The following HK2 variants were observed in gnomAD, a reference collection of about 807,000 sequenced individuals.
HK2 encodes the protein hexokinase-2.
A neutral mutation model predicts 92.9 loss-of-function variants in HK2; 42 were observed. That is an observed-to-expected ratio of 0.45 (90% confidence interval 0.35 to 0.58). The LOEUF (loss-of-function observed/expected upper bound fraction) is 0.58, where lower values mean the gene tolerates loss of function less well. HK2 is among the 20% of genes least tolerant of loss of function. HK2 has a pLI of 0.00. For missense variants in HK2, 978 were observed against 1,245.1 expected, an observed-to-expected ratio of 0.79 and a Z score of 3.23; for synonymous variants, 422 against 468.0, an observed-to-expected ratio of 0.90 and a Z score of 1.27.
chr2:74,886,366 C>T lies in HK2; in HGVS notation c.2008C>T (p.Pro670Ser). The T allele has an allele frequency of 6.2e-7, 1 of 1,614,028 alleles. No homozygotes were observed. The highest frequency in any genetic ancestry group is 1.7e-5 in the Admixed American group (1 of 60,004). ...GTMMTCGFED[P>S]HCEVGLIVGT... ...TATGATGACCTGTGGCTTTGAAGAC[C>T]CTCACTGTGAAGTTGGCCTCATTGT... The change falls in exon 14 of 18, where the codon CCT (proline) becomes TCT (serine). Residue 670 changes from proline to serine, a missense_variant. Coordinates refer to ENST00000290573, the MANE Select transcript of HK2 (RefSeq NM_000189.5).
At chr2:74,856,010 C>G (rs1688689039) in intron 2 of HK2, among the ~76,000 whole-genome samples, 1 of 152,042 alleles carries the variant, frequency 6.6e-6, no homozygotes, top group Non-Finnish European at 1.5e-5. Context: ...GTACTCACAT[C>G]TAGAGGACAG....
In HK2 at chr2:74,882,113, C is replaced by G. The variant is rs1404408398; in HGVS notation, c.1720-7C>G. ...CCCTCCCTCAGTGTCCTAACTTCTCCCTGCAGCTCTTTGACCACATTGTCC... is the reference window on the plus strand; with the variant it reads ...CCCTCCCTCAGTGTCCTAACTTCTCGCTGCAGCTCTTTGACCACATTGTCC... On this transcript the variant is annotated splice_region_variant and splice_polypyrimidine_tract_variant and intron_variant, in intron 11 of 17. Coordinates refer to ENST00000290573, the MANE Select transcript of HK2 (RefSeq NM_000189.5). The G allele has an allele frequency of 3.1e-6, 5 of 1,613,988 alleles. No homozygotes were observed. In the South Asian group the frequency reaches 4.4e-5, roughly 14 times the overall value.
intron 9 of HK2, among the ~76,000 whole-genome samples, chr2:74,879,544 G>A (rs937541251): frequency 6.6e-6 from 1 of 152,166 alleles, no homozygotes; most frequent in African/African-American, 2.4e-5. Flanking sequence ...GCAAAAACTC[G>A]AGTGTGCACG....
intron 3 of HK2, among the ~76,000 whole-genome samples, chr2:74,869,131 A>C (rs74477806): frequency 6.6e-6 from 1 of 151,992 alleles, no homozygotes; most frequent in Non-Finnish European, 1.5e-5. Context: ...AAAAAAAAAA[A>C]CAACTATGAG....
intron 1 of HK2, among the ~76,000 whole-genome samples, chr2:74,839,378 G>A (rs1688250409): frequency 6.6e-6 from 1 of 152,120 alleles, no homozygotes; most frequent in South Asian, 2.1e-4. Flanking sequence ...ATTGCTGATT[G>A]AAACCTTAAT....
chr2:74,847,328 C>T (rs1688465675), intron 1 of HK2, among the ~76,000 whole-genome samples: 3 of 152,120 alleles, frequency 2.0e-5, no homozygotes, highest in Admixed American at 2.0e-4. Context: ...TTTGGTTCAG[C>T]TTTCAGTAAA....
intron 2 of HK2, among the ~76,000 whole-genome samples, chr2:74,859,132 A>G (rs148845688): frequency 8.2e-4 from 125 of 152,334 alleles, no homozygotes; most frequent in African/African-American, 2.8e-3. Flanking sequence ...GTGGTCATCT[A>G]TATTTTACTT....
chr2:74,868,481 AGTGTACG>A (rs537987441), intron 3 of HK2, among the ~76,000 whole-genome samples: 121 of 152,294 alleles, frequency 7.9e-4, no homozygotes, highest in African/African-American at 2.7e-3. Flanking sequence ...AAGGGATGAT[AGTGTACG>A]GATTGTGGTG....
chr2:74,869,195 G>T (rs1445921129), intron 3 of HK2, among the ~76,000 whole-genome samples: 1 of 151,796 alleles, frequency 6.6e-6, no homozygotes, highest in Non-Finnish European at 1.5e-5. Context: ...TTTTAAGTAA[G>T]TGAAAAATGC....
Position 74,893,279 on chromosome 2 carries a change from T to C in HK2, c.*2338T>C, listed in dbSNP as rs1200104418. 1 of 152,246 alleles carries C rather than the reference T, an allele frequency of 6.6e-6. No individual in the cohort carries two copies. The highest frequency in any genetic ancestry group is 1.5e-5 in the Non-Finnish European group (1 of 68,046). 9.4% of individuals were successfully genotyped at this position (152,246 alleles called of 1,614,324 possible). On this transcript the variant is annotated 3_prime_UTR_variant, in exon 18 of 18. Transcript: ENST00000290573. ...CAGTCTAGTGAAGATGTTGTCATTA[T>C]GTACAATACATAACTAGTTTAATTA...
Position 74,890,922 on chromosome 2 carries a change from G to A in HK2, c.2735G>A (p.Arg912His), listed in dbSNP as rs775193239. 5 of 1,614,084 alleles carry A rather than the reference G, an allele frequency of 3.1e-6. No homozygotes were observed. Among genetic ancestry groups the A allele is most frequent in the African/African-American group, 1.3e-5 (1 of 74,926 alleles). ...ALITAVACRI[R>H]EAGQR ...ATCACTGCTGTGGCCTGCCGCATCC[G>A]TGAGGCTGGACAGCGATAGAACCCC... Residue 912 changes from arginine (R) to histidine (H), a missense_variant, in exon 18 of 18, where the codon CGT becomes CAT. Arg to His is a conservative substitution (Grantham distance 29). Coordinates refer to ENST00000290573, the MANE Select transcript of HK2 (RefSeq NM_000189.5).
intron 2 of HK2, among the ~76,000 whole-genome samples, chr2:74,854,899 C>T (rs776446970): frequency 6.6e-6 from 1 of 152,196 alleles, no homozygotes; most frequent in Non-Finnish European, 1.5e-5. Flanking sequence ...GTGGGAGGGA[C>T]AGTGTAGTGC....
chr2:74,864,321 C>G (rs2103923628), intron 2 of HK2, among the ~76,000 whole-genome samples: 1 of 152,312 alleles, frequency 6.6e-6, no homozygotes, highest in East Asian at 1.9e-4. Flanking sequence ...TCTGGACATG[C>G]CATTTTTTGG....
chr2:74,869,660 A>C (rs756338172), intron 3 of HK2, among the ~76,000 whole-genome samples: 4 of 152,192 alleles, frequency 2.6e-5, no homozygotes, highest in Non-Finnish European at 5.9e-5. Flanking sequence ...TCAGACCAGT[A>C]AGGAAAAGGA....
chr2:74,876,991 A>T (rs1014272726), intron 7 of HK2, among the ~76,000 whole-genome samples, 175 bp from the exon 8 acceptor site: 1 of 152,178 alleles, frequency 6.6e-6, no homozygotes, highest in Non-Finnish European at 1.5e-5. Flanking sequence ...CTGCAGGGAC[A>T]ACCCAAGCCA....
In HK2 at chr2:74,881,779, A is replaced by G; in HGVS notation, c.1639A>G (p.Asn547Asp). The G allele has an allele frequency of 6.2e-7, 1 of 1,614,046 alleles. No homozygotes were observed. Among genetic ancestry groups the G allele is most frequent in the Non-Finnish European group, 8.5e-7 (1 of 1,179,994 alleles). ...NFRVLLVRVR[N>D]GKWGGVEMHN... ...CCGGGTCCTGCTGGTCCGTGTTCGG[A>G]ATGGGAAGTGGGGTGGAGTGGAGAT... Residue 547 changes from asparagine (N) to aspartate (D), a missense_variant, in exon 11 of 18, where the codon AAT becomes GAT. Physicochemically the swap from Asn to Asp is conservative, Grantham distance 23. Coordinates refer to ENST00000290573, the MANE Select transcript of HK2 (RefSeq NM_000189.5).
At chr2:74,866,915 A>G (rs1248875371) in intron 2 of HK2, among the ~76,000 whole-genome samples, 1 of 152,142 alleles carries the variant, frequency 6.6e-6, no homozygotes, top group Non-Finnish European at 1.5e-5. Flanking sequence ...CCCTCATAAT[A>G]TGCAAACATT....
chr2:74,871,651 C>T (rs898704921), intron 3 of HK2, among the ~76,000 whole-genome samples: 3 of 152,196 alleles, frequency 2.0e-5, no homozygotes, highest in African/African-American at 7.2e-5. Flanking sequence ...TCTCAGCGCT[C>T]TTCATGGACT....
chr2:74,837,306 C>T (rs951862098), intron 1 of HK2, among the ~76,000 whole-genome samples: 6 of 152,202 alleles, frequency 3.9e-5, no homozygotes, highest in South Asian at 2.1e-4. Flanking sequence ...GGAATGTGAG[C>T]GGGCTCCTGG....
Sources: allele counts gnomAD v4.1 joint callset (sites outside exome capture counted in the v4.1 genomes callset), GRCh38; gene constraint gnomAD v4.1.1; transcripts MANE v1.5; gene names NCBI Gene and HGNC (gene_info 2026-07-23, HGNC 2026-07-21).